The following GPC5 variants were observed in gnomAD, a reference collection of about 807,000 sequenced individuals.
The protein encoded by GPC5 is glypican 5.
Under a neutral mutation model 53.9 loss-of-function variants are expected in GPC5, and 47 were observed. The observed-to-expected ratio is 0.87, with a 90% confidence interval of 0.69 to 1.11. The LOEUF is 1.11. GPC5 is among the 50% of genes most tolerant of loss of function. The pLI, the probability that GPC5 is intolerant of heterozygous loss-of-function variation, is 0.00. For synonymous variants in GPC5, 286 were observed against 263.3 expected, an observed-to-expected ratio of 1.09 and a Z score of -0.84; for missense variants, 748 against 713.1, an observed-to-expected ratio of 1.05 and a Z score of -0.56.
chr13:92,439,879 T>C (rs1248706688), intron 7 of GPC5, among the ~76,000 whole-genome samples: 1 of 152,020 alleles, frequency 6.6e-6, no homozygotes, highest in African/African-American at 2.4e-5. Context: ...TTCACACTTC[T>C]GGTAGAAGGA....
intron 6 of GPC5, among the ~76,000 whole-genome samples, chr13:92,061,963 A>G (rs1415492216): frequency 6.6e-6 from 1 of 152,054 alleles, no homozygotes; most frequent in East Asian, 1.9e-4. Flanking sequence ...TGCTAAGAAT[A>G]GCAATAATTT....
rs577303109 is a variant in GPC5 at position 92,594,456 on chromosome 13, G to A, written c.1562-271826G>A. Among the ~76,000 whole-genome samples the A allele has an allele frequency of 8.7e-4, 132 of 152,248 alleles. 1 individual carries two copies. The highest frequency in any genetic ancestry group is 1.6e-3 in the Non-Finnish European group (111 of 68,012). On this transcript the variant is annotated intron_variant, in intron 7 of 7. Coordinates refer to ENST00000377067, the MANE Select transcript of GPC5 (RefSeq NM_004466.6). ...AAGACAGTCCTTACCCTACTTCCTT[G>A]TCTATTTCTCAGCTTTACCTACATA...
intron 7 of GPC5, among the ~76,000 whole-genome samples, chr13:92,244,301 A>T (rs1038753204): frequency 6.6e-6 from 1 of 152,214 alleles, no homozygotes; most frequent in African/African-American, 2.4e-5. Flanking sequence ...GATTTCCAGA[A>T]GAGTAAACTT....
chr13:91,722,868 T>C (rs1013728759), intron 3 of GPC5, among the ~76,000 whole-genome samples: 1 of 152,184 alleles, frequency 6.6e-6, no homozygotes, highest in Admixed American at 6.5e-5. Context: ...AACATTACTT[T>C]ATTTGGTTTT....
chr13:91,742,750 G>A (rs1023425487), intron 4 of GPC5, among the ~76,000 whole-genome samples: 1 of 152,036 alleles, frequency 6.6e-6, no homozygotes, highest in East Asian at 1.9e-4. Context: ...GGCTTAATTC[G>A]GGGAGCATGA....
intron 6 of GPC5, among the ~76,000 whole-genome samples, chr13:92,020,698 T>C (rs2040750290): frequency 6.7e-6 from 1 of 150,048 alleles, no homozygotes; most frequent in Non-Finnish European, 1.5e-5. Context: ...TTTTTTTTTT[T>C]ACTATTATGA....
intron 7 of GPC5, among the ~76,000 whole-genome samples, chr13:92,256,447 A>C (rs1326625173): frequency 6.6e-6 from 1 of 152,020 alleles, no homozygotes; most frequent in Non-Finnish European, 1.5e-5. Flanking sequence ...CAAACCCAGA[A>C]TATTGTCAGA....
At chr13:91,573,022 A>G (rs1477091474) in intron 2 of GPC5, among the ~76,000 whole-genome samples, 2 of 152,170 alleles carry the variant, frequency 1.3e-5, no homozygotes, top group Non-Finnish European at 2.9e-5. Context: ...CATTCTGGCA[A>G]TACTGAGAGA....
chr13:91,621,408 C>A (rs1389671386), intron 2 of GPC5, among the ~76,000 whole-genome samples: 1 of 152,034 alleles, frequency 6.6e-6, no homozygotes, highest in Non-Finnish European at 1.5e-5. Context: ...GTGAGGAAGT[C>A]TGGACAAGCT....
chr13:92,042,672 A>G (rs140594380), intron 6 of GPC5, among the ~76,000 whole-genome samples: 66 of 152,330 alleles, frequency 4.3e-4, no homozygotes, highest in Non-Finnish European at 6.9e-4. Context: ...TTAAATGTTT[A>G]ATTAAAACAA....
At chr13:92,350,510 C>T (rs2043467404) in intron 7 of GPC5, among the ~76,000 whole-genome samples, 1 of 152,064 alleles carries the variant, frequency 6.6e-6, no homozygotes, top group South Asian at 2.1e-4. Flanking sequence ...GCAGAGAGCA[C>T]AAAGATAGTT....
chr13:92,294,484 T>C (rs753682335), intron 7 of GPC5, among the ~76,000 whole-genome samples: 1 of 152,224 alleles, frequency 6.6e-6, no homozygotes, highest in Non-Finnish European at 1.5e-5. Flanking sequence ...AGTTTATGCA[T>C]GTAAATGTGT....
chr13:92,737,173 T>C (rs557102254), intron 7 of GPC5, among the ~76,000 whole-genome samples: 4 of 151,998 alleles, frequency 2.6e-5, no homozygotes, highest in Non-Finnish European at 5.9e-5. Flanking sequence ...AGACAGCGAG[T>C]ATATATTTTC....
intron 7 of GPC5, among the ~76,000 whole-genome samples, chr13:92,521,840 A>C (rs1881062617): frequency 6.6e-6 from 1 of 152,204 alleles, no homozygotes; most frequent in Admixed American, 6.5e-5. Flanking sequence ...GTGAACAGGC[A>C]ACTTACAGAA....
intron 2 of GPC5, among the ~76,000 whole-genome samples, chr13:91,640,837 T>C (rs567832045): frequency 2.1e-4 from 32 of 151,172 alleles, no homozygotes; most frequent in Non-Finnish European, 7.4e-5. Flanking sequence ...CGTATGTTCA[T>C]TGCAGCACTA....
intron 7 of GPC5, among the ~76,000 whole-genome samples, chr13:92,385,612 T>C (rs901361630): frequency 6.9e-6 from 1 of 144,084 alleles, no homozygotes; most frequent in South Asian, 2.1e-4. Flanking sequence ...TATACACATA[T>C]ACATATACAT....
chr13:91,847,038 T>C (rs1477111959), intron 5 of GPC5, among the ~76,000 whole-genome samples: 1 of 151,586 alleles, frequency 6.6e-6, no homozygotes, highest in East Asian at 1.9e-4. Flanking sequence ...GCTAACACAG[T>C]GAAACCCCGT....
chr13:92,639,274 C>T (rs934900818), intron 7 of GPC5, among the ~76,000 whole-genome samples: 5 of 152,166 alleles, frequency 3.3e-5, no homozygotes, highest in Non-Finnish European at 7.4e-5. Flanking sequence ...TATTTTCTCT[C>T]ATAATGCTGT....
In GPC5 at chr13:92,737,384, C is replaced by T. The variant is rs562464914; in HGVS notation, c.1562-128898C>T. 8.5e-5 allele frequency among the ~76,000 whole-genome samples: 13 copies of T among 152,122 alleles called. No individual in the cohort carries two copies. The South Asian group carries it at 2.3e-3, about 27-fold the overall frequency. ...AGCTTCAGGCCCGTCAGGAATTGCACACTAATTCTAGCCAAAGAAAAAAAT... is the reference window on the plus strand; with the variant it reads ...AGCTTCAGGCCCGTCAGGAATTGCATACTAATTCTAGCCAAAGAAAAAAAT... On this transcript the variant is annotated intron_variant, in intron 7 of 7. Transcript: ENST00000377067.
Sources: gnomAD v4.1 joint callset for allele counts (sites outside exome capture counted in the v4.1 genomes callset) on GRCh38, gnomAD v4.1.1 for gene constraint, MANE v1.5 for transcripts, NCBI Gene and HGNC (gene_info 2026-07-23, HGNC 2026-07-21) for gene names.